Variants in RGS7 observed in about 807,000 individuals in gnomAD.
RGS7 encodes the protein regulator of G-protein signaling 7.
In RGS7, 27 loss-of-function variants were observed where a neutral mutation model predicts 81.1. The observed-to-expected ratio is 0.33, with a 90% CI of 0.25 to 0.46. RGS7 has a LOEUF of 0.46. Among genes scored for constraint, RGS7 ranks in the 20% least tolerant of loss-of-function variants. The pLI, the probability that RGS7 is intolerant of heterozygous loss-of-function variation, is 1.00. For synonymous variants in RGS7, 208 were observed against 207.7 expected (o/e 1.00, Z -0.01); for missense variants, 396 against 607.4 (o/e 0.65, Z 3.66).
At chr1:241,317,189 A>G (rs2148588034) in intron 2 of RGS7, among the ~76,000 whole-genome samples, 1 of 152,366 alleles carries the variant, frequency 6.6e-6, no homozygotes, top group Admixed American at 6.5e-5. Flanking sequence ...CAAGATGTAA[A>G]CAACCTCAAA....
chr1:240,794,138 G>C (rs144162978), intron 18 of RGS7, among the ~76,000 whole-genome samples: 27 of 152,110 alleles, frequency 1.8e-4, no homozygotes, highest in African/African-American at 5.5e-4. Flanking sequence ...ATTATGATGG[G>C]TGTTTGTGTC....
chr1:241,287,241 T>C (rs1156842918), intron 2 of RGS7, among the ~76,000 whole-genome samples: 3 of 152,142 alleles, frequency 2.0e-5, no homozygotes, highest in Non-Finnish European at 1.5e-5. Flanking sequence ...CCCTGTGATA[T>C]GGTTTGGCTG....
chr1:240,834,916 CCACACA>C (rs67071227), intron 9 of RGS7, among the ~76,000 whole-genome samples: 6,635 of 144,476 alleles, frequency 0.046, 193 homozygotes, highest in African/African-American at 0.092. Context: ...ACCTTACACT[CCACACA>C]CACACACACA....
At chr1:241,030,401 C>A (rs2060021440) in intron 3 of RGS7, among the ~76,000 whole-genome samples, 2 of 118,294 alleles carry the variant, frequency 1.7e-5, no homozygotes, top group Non-Finnish European at 3.9e-5. Context: ...CACACACACA[C>A]TATATACACA....
intron 2 of RGS7, among the ~76,000 whole-genome samples, chr1:241,280,941 C>T (rs1488945533): frequency 6.6e-6 from 1 of 152,168 alleles, no homozygotes; most frequent in African/African-American, 2.4e-5. Context: ...AGGTTTTTAA[C>T]TATTCAGGTC....
intron 6 of RGS7, among the ~76,000 whole-genome samples, chr1:240,878,618 A>G (rs571063198): frequency 6.6e-6 from 1 of 151,408 alleles, no homozygotes; most frequent in Non-Finnish European, 1.5e-5. Flanking sequence ...AACTAATGTT[A>G]GGTATATATG....
chr1:240,842,337 T>C (rs981417102), intron 9 of RGS7, among the ~76,000 whole-genome samples: 4 of 151,492 alleles, frequency 2.6e-5, no homozygotes, highest in Non-Finnish European at 4.4e-5. Flanking sequence ...TAGCTGGGAT[T>C]ACAGGCATGC....
At chr1:240,974,240 G>T (rs1373016911) in intron 4 of RGS7, among the ~76,000 whole-genome samples, 1 of 151,966 alleles carries the variant, frequency 6.6e-6, no homozygotes, top group Non-Finnish European at 1.5e-5. Context: ...AAACTTTGCA[G>T]GTATTTGTCA....
At chr1:241,248,428 AAAT>A (rs2076666129) in intron 2 of RGS7, among the ~76,000 whole-genome samples, 1 of 148,860 alleles carries the variant, frequency 6.7e-6, no homozygotes, top group Non-Finnish European at 1.5e-5. Context: ...ATATATAATC[AAAT>A]AATCTCTGCC....
chr1:241,029,722 AC>A (rs2059971327), intron 3 of RGS7, among the ~76,000 whole-genome samples: 2 of 152,204 alleles, frequency 1.3e-5, no homozygotes, highest in Non-Finnish European at 1.5e-5. Context: ...ACATACTCTT[AC>A]TGACAGCTTG....
chr1:241,356,798 C>T (rs2083608850), intron 1 of RGS7, 101 bp downstream of exon 1: 1 of 149,806 alleles, frequency 6.7e-6, no homozygotes, highest in African/African-American at 2.4e-5. Context: ...GCCCTGCGCC[C>T]GCGGACGCTC....
chr1:241,352,404 G>A (rs1298992902), intron 2 of RGS7, among the ~76,000 whole-genome samples: 1 of 152,172 alleles, frequency 6.6e-6, no homozygotes, highest in Non-Finnish European at 1.5e-5. Flanking sequence ...ACACCCTCAA[G>A]TACATAAAAC....
intron 9 of RGS7, among the ~76,000 whole-genome samples, chr1:240,839,914 G>T (rs1355454767): frequency 6.6e-6 from 1 of 152,038 alleles, no homozygotes; most frequent in Non-Finnish European, 1.5e-5. Context: ...CACCAAGGAG[G>T]CATCACTAAG....
chr1:241,285,090 T>C (rs2078735993), intron 2 of RGS7, among the ~76,000 whole-genome samples: 1 of 152,132 alleles, frequency 6.6e-6, no homozygotes, highest in South Asian at 2.1e-4. Context: ...CAGGATGGTC[T>C]CGATCTCCTG....
chr1:241,059,233 G>A (rs1393294614), intron 3 of RGS7, among the ~76,000 whole-genome samples: 6 of 152,042 alleles, frequency 3.9e-5, no homozygotes, highest in Non-Finnish European at 8.8e-5. Flanking sequence ...TTCTCTTCTC[G>A]CTTTCCACAC....
At chr1:241,010,826 G>A (rs1302898276) in intron 3 of RGS7, among the ~76,000 whole-genome samples, 1 of 152,084 alleles carries the variant, frequency 6.6e-6, no homozygotes, top group Non-Finnish European at 1.5e-5. Context: ...AGATGTCTCT[G>A]GTGGAAGAGG....
chr1:240,986,903 A>G (rs535005179), intron 3 of RGS7, among the ~76,000 whole-genome samples: 313 of 152,296 alleles, frequency 2.1e-3, no homozygotes, highest in Non-Finnish European at 3.9e-3. Flanking sequence ...ATTATTAAAC[A>G]TGATGTTAAA....
At chr1:241,276,326 T>C (rs1204711906) in intron 2 of RGS7, among the ~76,000 whole-genome samples, 2 of 152,202 alleles carry the variant, frequency 1.3e-5, no homozygotes, top group African/African-American at 4.8e-5. Context: ...ACAATTAACA[T>C]GGAGCAACTC....
chr1:241,285,858 C>G (rs1416887354), intron 2 of RGS7, among the ~76,000 whole-genome samples: 1 of 152,200 alleles, frequency 6.6e-6, no homozygotes, highest in African/African-American at 2.4e-5. Context: ...CTTTTCCCCA[C>G]TTCTTACCCA....
Sources: allele counts gnomAD v4.1 joint callset (sites outside exome capture counted in the v4.1 genomes callset), GRCh38; gene constraint gnomAD v4.1.1; transcripts MANE v1.5; gene names NCBI Gene and HGNC (gene_info 2026-07-23, HGNC 2026-07-21).